Variants in KCNC1 observed in about 807,000 individuals in gnomAD.
KCNC1 encodes the protein potassium voltage-gated channel subfamily C member 1.
KCNC1 carries 8 observed loss-of-function variants against 43.4 expected under a neutral mutation model. That is an observed-to-expected ratio of 0.18 (90% CI 0.11 to 0.33). KCNC1 has a LOEUF of 0.33. Among genes scored for constraint, KCNC1 ranks in the 10% least tolerant of loss-of-function variants. The probability of loss-of-function intolerance (pLI) is 1.00; values close to 1 mark genes in which losing one functional copy is unlikely to be tolerated. For missense variants in KCNC1, 420 were observed against 836.0 expected (o/e 0.50, Z 6.14); for synonymous variants, 361 against 360.5 (o/e 1.00, Z -0.01).
chr11:17,752,644 T>C (rs2133789364), intron 1 of KCNC1, among the ~76,000 whole-genome samples: 1 of 152,368 alleles, frequency 6.6e-6, no homozygotes, highest in African/African-American at 2.4e-5. Flanking sequence ...GTTAAGTGCA[T>C]GTGTTCTGGA....
chr11:17,776,146 G>T lies in KCNC1; in HGVS notation c.1505-3310G>T. The T allele has an allele frequency of 1.0e-6, 1 of 985,450 alleles. No individual in the cohort carries two copies. 61.0% of individuals were successfully genotyped at this position (985,450 alleles called of 1,614,324 possible). A position where few individuals can be genotyped will look rare whatever the true frequency, so the allele number is the denominator to read the frequency against. On this transcript the variant is annotated intron_variant, in intron 2 of 3. Transcript: ENST00000265969. The surrounding 1 kb of genome is among the most constrained non-coding windows in gnomAD (Gnocchi z 4.4). Reference sequence around the variant, plus strand: ...TAGCGGAGAAATGAAGTGACGCCAGGGGCCAGGCATGGGTGTTCTTTTCCG... The same window carrying T: ...TAGCGGAGAAATGAAGTGACGCCAGTGGCCAGGCATGGGTGTTCTTTTCCG...
intron 2 of KCNC1, chr11:17,775,457 G>A: frequency 1.0e-6 from 1 of 985,586 alleles, no homozygotes; most frequent in Middle Eastern, 5.2e-4. Flanking sequence ...CCTGGGAGGG[G>A]TATCAAGAAT....
At chr11:17,751,960 T>C (rs1337898020) in intron 1 of KCNC1, among the ~76,000 whole-genome samples, 1 of 152,134 alleles carries the variant, frequency 6.6e-6, no homozygotes, top group Non-Finnish European at 1.5e-5. Flanking sequence ...GCAGTGCAGC[T>C]TCACCAGCTG....
intron 1 of KCNC1, among the ~76,000 whole-genome samples, chr11:17,750,682 G>C (rs1272393512): frequency 6.6e-6 from 1 of 152,134 alleles, no homozygotes; most frequent in Non-Finnish European, 1.5e-5. Context: ...TTCCCAACGT[G>C]CTCCGGCTCC....
At position 17,736,745 on chromosome 11, in the gene KCNC1, C is replaced by T. The variant is rs2133774816; in HGVS notation, c.570+173C>T. 6.6e-6 allele frequency among the ~76,000 whole-genome samples: 1 copy of T among 152,254 alleles called. No homozygotes were observed. On this transcript the variant is annotated intron_variant, in intron 1 of 3. Coordinates refer to ENST00000265969, the MANE Select transcript of KCNC1 (RefSeq NM_001112741.2). This position sits in a 1 kb window ranked among gnomAD's most constrained non-coding sequence, Gnocchi z 9.3. The stretch of plus-strand genomic sequence containing the variant: ...GAGAGGAAGGGTGTCCGCCGGGGTT[C>T]TGGTTTTCTATGTATGTCAGTCTGT...
At position 17,771,201 on chromosome 11, in the gene KCNC1, C is replaced by G. The variant is rs192990296; in HGVS notation, c.571-464C>G. ...GGCCTCTGAGGGGCTTCATTCCACT[C>G]TAGCTGCCCCCTCTTATTTCTTTGC... On this transcript the variant is annotated intron_variant, in intron 1 of 3. Coordinates refer to ENST00000265969, the MANE Select transcript of KCNC1 (RefSeq NM_001112741.2). The surrounding 1 kb of genome is among the most constrained non-coding windows in gnomAD (Gnocchi z 4.7). Among the ~76,000 whole-genome samples, 164 of 152,066 alleles carry G rather than the reference C, an allele frequency of 1.1e-3. No homozygotes were observed. The highest frequency in any genetic ancestry group is 3.8e-3 in the African/African-American group (157 of 41,498).
At chr11:17,748,622 GA>G (rs989673400) in intron 1 of KCNC1, among the ~76,000 whole-genome samples, 1 of 152,118 alleles carries the variant, frequency 6.6e-6, no homozygotes, top group African/African-American at 2.4e-5. Flanking sequence ...TTAAAAGAAA[GA>G]AAAATCCACC....
chr11:17,775,987 G>C, intron 2 of KCNC1: 1 of 985,400 alleles, frequency 1.0e-6, no homozygotes, highest in East Asian at 1.1e-4. Flanking sequence ...CCATGGAGGG[G>C]GGAGGGAGCT....
intron 1 of KCNC1, among the ~76,000 whole-genome samples, chr11:17,749,761 G>A (rs887962125): frequency 6.6e-5 from 10 of 152,198 alleles, no homozygotes; most frequent in African/African-American, 2.4e-4. Flanking sequence ...TGAGCTCCCT[G>A]CAAGCTGCCG....
chr11:17,739,082 A>G lies in KCNC1; in HGVS notation c.570+2510A>G, dbSNP rs553956637. On this transcript the variant is annotated intron_variant, in intron 1 of 3. Transcript: ENST00000265969. The surrounding 1 kb of genome is among the most constrained non-coding windows in gnomAD (Gnocchi z 4.2). ...CTGCCTCTCTGCGGCTCATCTGCGCACAGACCAGCCGCCTGCCCGCCCTCC... is the reference window on the plus strand; with the variant it reads ...CTGCCTCTCTGCGGCTCATCTGCGCGCAGACCAGCCGCCTGCCCGCCCTCC... 7.2e-5 allele frequency among the ~76,000 whole-genome samples: 11 copies of G among 152,214 alleles called. No individual in the cohort carries two copies. In the South Asian group the frequency reaches 2.3e-3, roughly 32 times the overall value.
intron 2 of KCNC1, chr11:17,774,461 A>C: frequency 1.0e-6 from 1 of 985,550 alleles, no homozygotes. Flanking sequence ...CTCTCCAGGC[A>C]GGCCCAGATT....
At chr11:17,737,278 C>T (rs999544510) in intron 1 of KCNC1, among the ~76,000 whole-genome samples, 3 of 152,070 alleles carry the variant, frequency 2.0e-5, no homozygotes, top group African/African-American at 7.2e-5. Context: ...TCCTCCTTGT[C>T]GAAAGCGGAG....
chr11:17,745,446 AC>A (rs544073073), intron 1 of KCNC1, among the ~76,000 whole-genome samples: 98 of 151,104 alleles, frequency 6.5e-4, no homozygotes, highest in South Asian at 4.6e-3. Context: ...CTCCACAGCT[AC>A]CCCCCCGTGG....
At chr11:17,758,383 A>G (rs1482451283) in intron 1 of KCNC1, among the ~76,000 whole-genome samples, 1 of 152,024 alleles carries the variant, frequency 6.6e-6, no homozygotes, top group African/African-American at 2.4e-5. Context: ...ATTGGAATCA[A>G]CTCCTTTTGA....
At chr11:17,741,641 C>T (rs1374237721) in intron 1 of KCNC1, among the ~76,000 whole-genome samples, 2 of 152,088 alleles carry the variant, frequency 1.3e-5, no homozygotes, top group Non-Finnish European at 2.9e-5. Context: ...TCAGATCGCC[C>T]GAGCCTGCTT....
chr11:17,765,219 C>T (rs1344987445), intron 1 of KCNC1, among the ~76,000 whole-genome samples: 2 of 152,244 alleles, frequency 1.3e-5, no homozygotes, highest in African/African-American at 4.8e-5. Flanking sequence ...GGTCCCTGCA[C>T]CACGTTACAG....
rs1463398364 is a variant in KCNC1 at position 17,777,104 on chromosome 11, T to A, written c.1505-2352T>A. 1 of 984,554 alleles carries A rather than the reference T, an allele frequency of 1.0e-6. No individual in the cohort carries two copies. Among genetic ancestry groups the A allele is most frequent in the African/African-American group, 1.8e-5 (1 of 57,006 alleles). The allele number at this position is 984,554 out of a possible 1,614,324, so 61.0% of individuals were successfully genotyped here. A position where few individuals can be genotyped will look rare whatever the true frequency, so the allele number is the denominator to read the frequency against. ...TCCCCTGCCCAAAACCATCCCGAAC[T>A]TTGGGCCCTTTAGTGATTGTGAGAG... On this transcript the variant is annotated intron_variant, in intron 2 of 3. Coordinates refer to ENST00000265969, the MANE Select transcript of KCNC1 (RefSeq NM_001112741.2). The surrounding 1 kb of genome is among the most constrained non-coding windows in gnomAD (Gnocchi z 4.3).
chr11:17,737,225 G>A (rs1048094360), intron 1 of KCNC1, among the ~76,000 whole-genome samples: 3 of 152,162 alleles, frequency 2.0e-5, no homozygotes, highest in Non-Finnish European at 4.4e-5. Flanking sequence ...TAAGGTAGGG[G>A]TGGTCCGTCT....
rs1849275037 is a variant in KCNC1, at chr11:17,775,498, G to A, written c.1504+2900G>A. On this transcript the variant is annotated intron_variant, in intron 2 of 3. Coordinates refer to ENST00000265969, the MANE Select transcript of KCNC1 (RefSeq NM_001112741.2). ...TCTCACCTGGTTGTAGGACCTCTTG[G>A]GGGATGCTAGGAGGGCGCCCTGGCA... The A allele has an allele frequency of 3.0e-6, 3 of 985,416 alleles. No individual in the cohort carries two copies. The South Asian group carries it at 1.4e-4, about 46-fold the overall frequency. 61.0% of individuals were successfully genotyped at this position (985,416 alleles called of 1,614,324 possible). A position where few individuals can be genotyped will look rare whatever the true frequency, so the allele number is the denominator to read the frequency against.
Sources: allele counts gnomAD v4.1 joint callset (sites outside exome capture counted in the v4.1 genomes callset), GRCh38; gene constraint gnomAD v4.1.1; non-coding constraint Gnocchi (gnomAD v3.1); transcripts MANE v1.5; gene names NCBI Gene and HGNC (gene_info 2026-07-23, HGNC 2026-07-21).